Variants in BIVM observed in about 807,000 individuals in gnomAD.
The protein encoded by BIVM is basic, immunoglobulin-like variable motif containing.
BIVM carries 31 observed loss-of-function variants against 61.4 expected under a neutral mutation model. That is an observed-to-expected ratio of 0.51 (90% CI 0.38 to 0.68). The LOEUF is 0.68. Among genes scored for constraint, BIVM ranks in the 30% least tolerant of loss-of-function variants. BIVM has a pLI of 0.00. For synonymous variants in BIVM, 189 were observed against 210.7 expected (o/e 0.90, Z 0.89); for missense variants, 526 against 596.0 (o/e 0.88, Z 1.22).
At chr13:102,831,942 G>A (rs1242262882) in intron 8 of BIVM, among the ~76,000 whole-genome samples, 1 of 151,020 alleles carries the variant, frequency 6.6e-6, no homozygotes, top group Non-Finnish European at 1.5e-5. Flanking sequence ...CTACTCGGGA[G>A]GCTGAGGGAG....
At chr13:102,809,749 A>T (rs906195903) in intron 3 of BIVM, among the ~76,000 whole-genome samples, 13 of 150,994 alleles carry the variant, frequency 8.6e-5, no homozygotes, top group Non-Finnish European at 1.9e-4. Flanking sequence ...AACCATCATC[A>T]CTATTCATCT....
At chr13:102,822,728 A>G (rs1287285010) in intron 7 of BIVM, among the ~76,000 whole-genome samples, 4 of 152,244 alleles carry the variant, frequency 2.6e-5, no homozygotes, top group Non-Finnish European at 5.9e-5. Context: ...CTATTTAGCA[A>G]TTTCCATTTT....
intron 7 of BIVM, among the ~76,000 whole-genome samples, chr13:102,829,561 C>T (rs1008745376): frequency 3.3e-5 from 5 of 151,942 alleles, no homozygotes; most frequent in African/African-American, 7.3e-5. Context: ...TTTACTGGCT[C>T]GGCACAGTGG....
intron 10 of BIVM, 24 bp downstream of exon 10, chr13:102,838,763 G>A: frequency 6.2e-7 from 1 of 1,600,926 alleles, no homozygotes; most frequent in Non-Finnish European, 8.5e-7. Flanking sequence ...CATTGTGTTT[G>A]AAGGCATTTC....
chr13:102,835,926 A>G (rs9514064), intron 9 of BIVM, among the ~76,000 whole-genome samples: 56,422 of 152,096 alleles, frequency 0.37, 11,656 homozygotes, highest in Non-Finnish European at 0.48. Context: ...AGTGTTTTCA[A>G]TGTCATCCAT....
chr13:102,840,296 A>AT lies in BIVM; in HGVS notation c.*431_*432insT, dbSNP rs1306822170. 1 of 153,964 alleles carries AT rather than the reference A, an allele frequency of 6.5e-6. No individual in the cohort carries two copies. The highest frequency in any genetic ancestry group is 2.4e-5 in the African/African-American group (1 of 41,294). The allele number at this position is 153,964 out of a possible 1,614,324, so 9.5% of individuals were successfully genotyped here. A position where few individuals can be genotyped will look rare whatever the true frequency, so the allele number is the denominator to read the frequency against. On this transcript the variant is annotated 3_prime_UTR_variant, in exon 11 of 11. Coordinates refer to ENST00000257336, the MANE Select transcript of BIVM (RefSeq NM_017693.4). The stretch of plus-strand genomic sequence containing the variant: ...GTAAAGTACCATCTGCCCTTAAAAA[A>AT]AATTGGGGCTGTCAATTTCTAGTTT...
At chr13:102,830,258 C>G (rs1203147526) in intron 7 of BIVM, among the ~76,000 whole-genome samples, 1 of 152,152 alleles carries the variant, frequency 6.6e-6, no homozygotes, top group Non-Finnish European at 1.5e-5. Flanking sequence ...GTGCATCACT[C>G]CTTGGCTCTC....
chr13:102,807,585 A>G lies in BIVM; in HGVS notation c.318A>G (p.Ser106=), dbSNP rs1361247041. The change falls in exon 3 of 11, where the codon TCA becomes TCG. Residue 106 remains serine (S), a synonymous_variant. Coordinates refer to ENST00000257336, the MANE Select transcript of BIVM (RefSeq NM_017693.4). The surrounding 1 kb of genome is among the most constrained non-coding windows in gnomAD (Gnocchi z 4.0). ...CCTCTTTATCTGCTGGAAATAATTCATCAAGATACATTGGTATCCCGACTA... is the reference window on the plus strand; with the variant it reads ...CCTCTTTATCTGCTGGAAATAATTCGTCAAGATACATTGGTATCCCGACTA... ...DSTSLSAGNN[S]SRYIGIPTST... 1.2e-6 allele frequency: 2 copies of G among 1,614,218 alleles called. No individual in the cohort carries two copies. The highest frequency in any genetic ancestry group is 1.1e-5 in the South Asian group (1 of 91,080).
chr13:102,811,856 T>G (rs910911425), intron 3 of BIVM, among the ~76,000 whole-genome samples: 1 of 152,228 alleles, frequency 6.6e-6, no homozygotes, highest in Non-Finnish European at 1.5e-5. Flanking sequence ...TTGGTGTGGG[T>G]CTTTCTAAGT....
In BIVM at chr13:102,839,803, A is replaced by G. The variant is rs1467548825; in HGVS notation, c.1450A>G (p.Ser484Gly). ...HQDSAWKKMSSIHERRNSGYQ... is the reference protein window; with the variant it reads ...HQDSAWKKMSGIHERRNSGYQ... ...GGACTCGGCATGGAAAAAGATGTCT[A>G]GTATCCATGAGAGAAGGAACAGTGG... The change falls in exon 11 of 11, where the codon AGT becomes GGT. Residue 484 changes from serine to glycine, a missense_variant. This residue lies in a region of BIVM where 210 missense variants were observed against 233.1 expected (regional missense o/e 0.90). Transcript: ENST00000257336. 2 of 1,614,036 alleles carry G rather than the reference A, an allele frequency of 1.2e-6. No homozygotes were observed. Among genetic ancestry groups the G allele is most frequent in the Admixed American group, 1.7e-5 (1 of 60,012 alleles).
chr13:102,800,238 T>C (rs1192132279), intron 1 of BIVM, among the ~76,000 whole-genome samples: 1 of 152,186 alleles, frequency 6.6e-6, no homozygotes. Context: ...GATGCAGCAA[T>C]TGCCCGTGGG....
Position 102,839,699 on chromosome 13 carries a change from C to T in BIVM, c.1346C>T (p.Ala449Val). The stretch of plus-strand genomic sequence containing the variant: ...CCTCCAACACATGCCCAGGGAATTG[C>T]CAAATCTGAGAGTGAAGACAATATT... ...SQPPTHAQGI[A>V]KSESEDNISK... The change falls in exon 11 of 11, where the codon GCC becomes GTC. Residue 449 changes from alanine (A) to valine (V), a missense_variant. Ala to Val is a moderately conservative substitution (Grantham distance 64). Coordinates refer to ENST00000257336, the MANE Select transcript of BIVM (RefSeq NM_017693.4). 6.2e-7 allele frequency: 1 copy of T among 1,614,126 alleles called. No homozygotes were observed. Among genetic ancestry groups the T allele is most frequent in the Middle Eastern group, 1.6e-4 (1 of 6,062 alleles).
At chr13:102,828,334 T>C (rs1880815934) in intron 7 of BIVM, among the ~76,000 whole-genome samples, 1 of 152,222 alleles carries the variant, frequency 6.6e-6, no homozygotes, top group African/African-American at 2.4e-5. Flanking sequence ...GACTCATTTT[T>C]TTAATCAGCT....
Position 102,807,564 on chromosome 13 carries a change from T to C in BIVM, c.297T>C (p.Ser99=). Residue 99 remains serine, a synonymous_variant, in exon 3 of 11, where the codon TCT becomes TCC. Transcript: ENST00000257336. This position sits in a 1 kb window ranked among gnomAD's most constrained non-coding sequence, Gnocchi z 4.0. ...CTCCTTGCCTCCCTGATAGTACCTC[T>C]TTATCTGCTGGAAATAATTCATCAA... ...SRSPCLPDST[S]LSAGNNSSRY... is the part of the protein sequence containing the mutation. The C allele has an allele frequency of 1.2e-6, 2 of 1,614,212 alleles. No individual in the cohort carries two copies. The highest frequency in any genetic ancestry group is 8.5e-7 in the Non-Finnish European group (1 of 1,180,050).
chr13:102,806,489 A>T (rs538768268), intron 2 of BIVM, among the ~76,000 whole-genome samples: 3 of 152,154 alleles, frequency 2.0e-5, no homozygotes, highest in African/African-American at 4.8e-5. Context: ...ACCCCAAGTG[A>T]TCCACCTGCC....
chr13:102,838,825 A>T, intron 10 of BIVM, 86 bp downstream of exon 10: 1 of 1,188,194 alleles, frequency 8.4e-7, no homozygotes, highest in South Asian at 1.7e-5. Context: ...GTTGCAAGTA[A>T]CAGAAACCTA....
At position 102,831,605 on chromosome 13, in the gene BIVM, T is replaced by C. The variant is rs760758464; in HGVS notation, c.942T>C (p.Asp314=). 1.2e-6 allele frequency: 2 copies of C among 1,614,184 alleles called. No individual in the cohort carries two copies. The highest frequency in any genetic ancestry group is 1.7e-6 in the Non-Finnish European group (2 of 1,180,034). The part of the protein sequence containing the change: ...ALSKLTRGLK[D]ESLAYIYHCQ... ...CAAAGTTAACCCGTGGATTGAAAGA[T>C]GAATCGCTGGCTTATATCTATCATT... The change falls in exon 8 of 11, where the codon GAT becomes GAC. Residue 314 remains aspartate, a synonymous_variant. Coordinates refer to ENST00000257336, the MANE Select transcript of BIVM (RefSeq NM_017693.4).
At chr13:102,812,433 T>C (rs930066963) in intron 3 of BIVM, among the ~76,000 whole-genome samples, 1 of 152,188 alleles carries the variant, frequency 6.6e-6, no homozygotes, top group African/African-American at 2.4e-5. Flanking sequence ...TTTTTGTTGT[T>C]GTTGTTGTTG....
At chr13:102,824,947 TTAA>T (rs1457626634) in intron 7 of BIVM, among the ~76,000 whole-genome samples, 1 of 91,130 alleles carries the variant, frequency 1.1e-5, no homozygotes, top group African/African-American at 5.7e-5. Flanking sequence ...AATTAATTAA[TTAA>T]TTTTTTTTTT....
Sources: allele counts gnomAD v4.1 joint callset (sites outside exome capture counted in the v4.1 genomes callset), GRCh38; gene constraint gnomAD v4.1.1; regional missense constraint gnomAD v4.1.1; non-coding constraint Gnocchi (gnomAD v3.1); transcripts MANE v1.5; gene names NCBI Gene and HGNC (gene_info 2026-07-23, HGNC 2026-07-21).